SHF: variants seen among roughly 807,000 people sequenced by gnomAD.
SHF encodes the protein Src homology 2 domain containing F.
Under a neutral mutation model 42.4 loss-of-function variants are expected in SHF, and 30 were observed. The ratio of observed to expected loss-of-function variants is 0.71; its 90% CI spans 0.53 to 0.96. The LOEUF is 0.96. Ranked by LOEUF, SHF falls within the 40% of genes least tolerant of loss-of-function variation. The pLI is 0.00. For missense variants in SHF, 598 were observed against 634.0 expected (o/e 0.94, Z 0.61); for synonymous variants, 264 against 269.9 (o/e 0.98, Z 0.21).
chr15:45,179,494 A>G (rs903209042), intron 1 of SHF, among the ~76,000 whole-genome samples: 1 of 151,984 alleles, frequency 6.6e-6, no homozygotes, highest in Non-Finnish European at 1.5e-5. Context: ...AAGTGGGCTC[A>G]CGGCCACTCC....
chr15:45,171,625 TAG>T lies in SHF; in HGVS notation c.1280+256_1280+257del, dbSNP rs540488288. The stretch of plus-strand genomic sequence containing the variant: ...TTTCATTAGTAAGGAAACTGAGGCC[TAG>T]AGAGGTTAAGGGGGCCAGGCCACAC... On this transcript the variant is annotated intron_variant, in intron 6 of 6. Coordinates refer to ENST00000690270, the MANE Select transcript of SHF (RefSeq NM_001394037.1). 208 of 537,894 alleles carry T rather than the reference TAG, an allele frequency of 3.9e-4. 5 individuals carry two copies. The South Asian group carries it at 4.9e-3, about 13-fold the overall frequency. 33.3% of individuals were successfully genotyped at this position (537,894 alleles called of 1,614,324 possible).
At chr15:45,173,544 GT>G in intron 4 of SHF, 31 bp downstream of exon 4, 1 of 1,467,350 alleles carries the variant, frequency 6.8e-7, no homozygotes. Context: ...GTGAGGACAT[GT>G]CACCCTGGCC....
intron 1 of SHF, among the ~76,000 whole-genome samples, chr15:45,182,172 GA>G (rs927061044): frequency 2.8e-4 from 42 of 152,286 alleles, no homozygotes; most frequent in African/African-American, 7.2e-4. Context: ...ACACATCCCT[GA>G]CCCCCACCAC....
intron 1 of SHF, among the ~76,000 whole-genome samples, chr15:45,180,764 T>C (rs1369870773): frequency 6.6e-6 from 1 of 152,124 alleles, no homozygotes; most frequent in Non-Finnish European, 1.5e-5. Context: ...GCATGGTAAA[T>C]GTTTGTTTTG....
chr15:45,184,254 C>T (rs1322893921), intron 1 of SHF, among the ~76,000 whole-genome samples: 1 of 152,216 alleles, frequency 6.6e-6, no homozygotes, highest in East Asian at 1.9e-4. Flanking sequence ...GATGCCCTGA[C>T]TGTATCCCTC....
chr15:45,189,578 T>G (rs1898647758), upstream of SHF, among the ~76,000 whole-genome samples: 1 of 151,852 alleles, frequency 6.6e-6, no homozygotes, highest in Admixed American at 6.6e-5. Context: ...TTAGTAGAGA[T>G]GGAGTTTCAC....
At chr15:45,169,080 T>C (rs1191301938) in intron 6 of SHF, among the ~76,000 whole-genome samples, 1 of 152,198 alleles carries the variant, frequency 6.6e-6, no homozygotes, top group East Asian at 1.9e-4. Context: ...CTAAGTGTTA[T>C]ATACTGCTGG....
Position 45,173,515 on chromosome 15 carries a change from A to T in SHF, c.988+61T>A, listed in dbSNP as rs572080924. ...CCCACCTCTCAGCTCCTCCAACCCA[A>T]CCCACAGGGCCTGGAGGGGTGAGGA... On this transcript the variant is annotated intron_variant, in intron 4 of 6. Transcript: ENST00000690270. The T allele has an allele frequency of 2.6e-4, 371 of 1,433,440 alleles. 4 individuals carry two copies. In the South Asian group the frequency reaches 5.1e-3, roughly 20 times the overall value. The allele number at this position is 1,433,440 out of a possible 1,614,324, so 88.8% of individuals were successfully genotyped here.
chr15:45,180,140 C>A (rs1458221431), intron 1 of SHF, among the ~76,000 whole-genome samples: 1 of 152,186 alleles, frequency 6.6e-6, no homozygotes, highest in Non-Finnish European at 1.5e-5. Context: ...CTGGACTATT[C>A]ATATCTGGAG....
upstream of SHF, among the ~76,000 whole-genome samples, chr15:45,188,591 G>T (rs531687844): frequency 4.6e-5 from 7 of 152,238 alleles, no homozygotes; most frequent in Admixed American, 3.9e-4. Flanking sequence ...CCCTAGAGAC[G>T]CCCACTTCTC....
At chr15:45,200,514 G>A in intron 1 of SHF, 1 of 354,132 alleles carries the variant, frequency 2.8e-6, no homozygotes, top group Non-Finnish European at 5.6e-6. Flanking sequence ...ACCTCGGCTT[G>A]TCGCCTGAAC....
At chr15:45,198,982 C>G in exon 2 of SHF, 1 of 1,613,038 alleles carries the variant, frequency 6.2e-7, no homozygotes, top group Non-Finnish European at 8.5e-7. Flanking sequence ...TGGGGGATGC[C>G]CGTTTCCTAT....
upstream of SHF, among the ~76,000 whole-genome samples, chr15:45,188,234 G>A (rs373367853): frequency 1.3e-5 from 2 of 152,128 alleles, no homozygotes; most frequent in Admixed American, 6.5e-5. Flanking sequence ...GTCGCCACGC[G>A]GTCCCCTGTG....
chr15:45,171,782 G>A (rs751497047), intron 6 of SHF, 101 bp downstream of exon 6: 23 of 1,300,154 alleles, frequency 1.8e-5, no homozygotes, highest in Admixed American at 1.1e-4. Context: ...GATTGTTCAT[G>A]GGGGATGGGG....
intron 1 of SHF, 31 bp from the exon 2 acceptor site, chr15:45,178,337 C>A (rs373995518): frequency 6.2e-7 from 1 of 1,602,356 alleles, no homozygotes. Flanking sequence ...GAGTGGGCTT[C>A]AGGGAGCAGA....
At chr15:45,200,446 G>C (rs1049265631) in intron 1 of SHF, 1 of 234,640 alleles carries the variant, frequency 4.3e-6, no homozygotes, top group Non-Finnish European at 8.9e-6. Flanking sequence ...AGGTTGCTGC[G>C]GCCACAACGC....
chr15:45,182,026 G>T (rs1402490864), intron 1 of SHF, among the ~76,000 whole-genome samples: 2 of 152,062 alleles, frequency 1.3e-5, no homozygotes, highest in Non-Finnish European at 2.9e-5. Context: ...CTGCTATATT[G>T]TGTCTGTTCC....
At chr15:45,198,594 T>C (rs1778802609) in intron 2 of SHF, 2 of 644,250 alleles carry the variant, frequency 3.1e-6, no homozygotes, top group East Asian at 2.9e-5. Flanking sequence ...TGCCGTGCCA[T>C]TGTTCCCACA....
chr15:45,192,043 C>G (rs1415217922), upstream of SHF, among the ~76,000 whole-genome samples: 3 of 146,624 alleles, frequency 2.0e-5, no homozygotes, highest in Non-Finnish European at 3.0e-5. Flanking sequence ...CTTTCATTTT[C>G]TTAACCATTT....
Sources: gnomAD v4.1 joint callset for allele counts (sites outside exome capture counted in the v4.1 genomes callset) on GRCh38, gnomAD v4.1.1 for gene constraint, MANE v1.5 for transcripts, NCBI Gene and HGNC (gene_info 2026-07-23, HGNC 2026-07-21) for gene names.